CCNH: variants seen among roughly 807,000 people sequenced by gnomAD.
CCNH encodes cyclin-H.
In CCNH, 31 loss-of-function variants were observed where a neutral mutation model predicts 41.9. The ratio of observed to expected loss-of-function variants is 0.74; its 90% confidence interval spans 0.56 to 1.00. The LOEUF (loss-of-function observed/expected upper bound fraction) is 1.00, where lower values mean the gene tolerates loss of function less well. CCNH is among the 50% of genes least tolerant of loss of function. The probability of loss-of-function intolerance (pLI) is 0.00; values close to 1 mark genes in which losing one functional copy is unlikely to be tolerated. For synonymous variants in CCNH, 138 were observed against 136.1 expected (o/e 1.01, Z -0.10); for missense variants, 362 against 388.4 (o/e 0.93, Z 0.57).
At chr5:87,389,245 C>T (rs1028120716), downstream of CCNH, 24 of 914,390 alleles carry the variant, frequency 2.6e-5, no homozygotes, top group Non-Finnish European at 3.8e-5. Context: ...GCAGGAGAAT[C>T]GCTTGAACCC....
chr5:87,364,121 A>T (rs1052031182), intron 9 of CCNH, among the ~76,000 whole-genome samples: 9 of 152,092 alleles, frequency 5.9e-5, no homozygotes, highest in Non-Finnish European at 1.2e-4. Flanking sequence ...CAGTCTTTTT[A>T]GATGTACTTA....
intron 9 of CCNH, chr5:87,332,559 C>T: frequency 6.2e-7 from 1 of 1,607,746 alleles, no homozygotes; most frequent in African/African-American, 1.3e-5. Flanking sequence ...TTTTTCTTCA[C>T]TGTCAGACCT....
chr5:87,398,976 GAAA>G (rs1201610191), intron 7 of CCNH, among the ~76,000 whole-genome samples: 10 of 113,676 alleles, frequency 8.8e-5, no homozygotes, highest in Admixed American at 7.1e-4. Context: ...CCATCTCAAA[GAAA>G]AAAAAAAAAA....
chr5:87,323,327 C>G (rs1756963843), intron 9 of CCNH, among the ~76,000 whole-genome samples: 2 of 152,014 alleles, frequency 1.3e-5, no homozygotes, highest in African/African-American at 4.8e-5. Flanking sequence ...TTAAAAAAAT[C>G]TTTGTTGAAT....
intron 2 of CCNH, among the ~76,000 whole-genome samples, chr5:87,410,025 T>C (rs1764108611): frequency 6.6e-6 from 1 of 152,214 alleles, no homozygotes; most frequent in Non-Finnish European, 1.5e-5. Flanking sequence ...AACTGACTTA[T>C]CTAGGTCACA....
At chr5:87,384,357 A>G (rs1319154807) in intron 9 of CCNH, among the ~76,000 whole-genome samples, 10 of 152,160 alleles carry the variant, frequency 6.6e-5, no homozygotes, top group Admixed American at 5.9e-4. Flanking sequence ...CTTCTTTCAA[A>G]GAAAGGATAA....
chr5:87,363,612 A>G (rs1760278642), intron 9 of CCNH: 1 of 1,266,158 alleles, frequency 7.9e-7, no homozygotes, highest in East Asian at 2.4e-5. Flanking sequence ...TAAAAGTAGC[A>G]GATGCACTTT....
chr5:87,339,474 G>C (rs1472322575), intron 9 of CCNH, among the ~76,000 whole-genome samples: 2 of 152,010 alleles, frequency 1.3e-5, no homozygotes, highest in Admixed American at 6.6e-5. Flanking sequence ...TTTTAGTTTG[G>C]GTTTCCCTCT....
downstream of CCNH, chr5:87,391,198 A>G (rs1762489551): frequency 2.1e-6 from 1 of 465,958 alleles, no homozygotes; most frequent in East Asian, 3.5e-5. Flanking sequence ...CTTTCAAAAT[A>G]TATTTTCAGT....
At chr5:87,385,836 C>G (rs563583029) in intron 9 of CCNH, among the ~76,000 whole-genome samples, 1 of 152,014 alleles carries the variant, frequency 6.6e-6, no homozygotes, top group Non-Finnish European at 1.5e-5. Context: ...TAATACGTGA[C>G]AGACTTCTTG....
chr5:87,351,004 G>A (rs771943743), intron 9 of CCNH, among the ~76,000 whole-genome samples: 10 of 151,482 alleles, frequency 6.6e-5, no homozygotes, highest in Admixed American at 2.0e-4. Context: ...ATTGTTTATT[G>A]TTAGATCTAA....
At chr5:87,337,746 A>G (rs1211981808) in intron 9 of CCNH, among the ~76,000 whole-genome samples, 1 of 152,110 alleles carries the variant, frequency 6.6e-6, no homozygotes, top group Non-Finnish European at 1.5e-5. Context: ...AGATACTACT[A>G]TCAAACCCAT....
At chr5:87,352,501 A>G (rs1246826865) in intron 9 of CCNH, among the ~76,000 whole-genome samples, 1 of 151,802 alleles carries the variant, frequency 6.6e-6, no homozygotes, top group Non-Finnish European at 1.5e-5. Flanking sequence ...TTATATTTAA[A>G]AAAATACGTG....
intron 9 of CCNH, among the ~76,000 whole-genome samples, chr5:87,350,498 A>C (rs981920215): frequency 1.4e-4 from 22 of 151,828 alleles, no homozygotes; most frequent in Non-Finnish European, 2.7e-4. Flanking sequence ...AATAATTTAC[A>C]TGAATTTATT....
chr5:87,328,404 T>G (rs927643959), intron 9 of CCNH, among the ~76,000 whole-genome samples: 1 of 152,196 alleles, frequency 6.6e-6, no homozygotes. Flanking sequence ...TGTGAAGACT[T>G]AAGAGTAATA....
At chr5:87,360,087 A>G (rs1277908325) in intron 9 of CCNH, among the ~76,000 whole-genome samples, 1 of 149,722 alleles carries the variant, frequency 6.7e-6, no homozygotes, top group Non-Finnish European at 1.5e-5. Flanking sequence ...ACTGGAATCT[A>G]GCTTATTCTT....
Position 87,357,522 on chromosome 5 carries a change from G to A in CCNH, c.*90+35248C>T, listed in dbSNP as rs192150592. ...TGATCAAGACCATCCTGGCTAACACGGTGAAACCCTGTCTCTACTAAAAAT... is the reference window on the plus strand; with the variant it reads ...TGATCAAGACCATCCTGGCTAACACAGTGAAACCCTGTCTCTACTAAAAAT... On this transcript the variant is annotated intron_variant and NMD_transcript_variant, in intron 9 of 9. Coordinates refer to the CCNH transcript ENST00000645953. Among the ~76,000 whole-genome samples, 68 of 152,042 alleles carry A rather than the reference G, an allele frequency of 4.5e-4. No homozygotes were observed. In the East Asian group the frequency reaches 8.5e-3, roughly 19 times the overall value.
intron 2 of CCNH, among the ~76,000 whole-genome samples, chr5:87,410,414 T>C (rs1264488284): frequency 7.9e-5 from 12 of 152,124 alleles, no homozygotes; most frequent in Admixed American, 7.2e-4. Flanking sequence ...TGAAAAAAAA[T>C]TGTAAATTCT....
intron 9 of CCNH, among the ~76,000 whole-genome samples, chr5:87,385,985 T>G (rs1395701415): frequency 6.6e-6 from 1 of 152,102 alleles, no homozygotes. Flanking sequence ...AGCTGAACTT[T>G]GGAGTAAAAT....
Sources: gnomAD v4.1 joint callset for allele counts (sites outside exome capture counted in the v4.1 genomes callset) on GRCh38, gnomAD v4.1.1 for gene constraint, MANE v1.5 for transcripts, NCBI Gene and HGNC (gene_info 2026-07-23, HGNC 2026-07-21) for gene names.